SYNPR: variants seen among roughly 807,000 people sequenced by gnomAD.
SYNPR encodes the protein synaptoporin.
Under a neutral mutation model 32.9 loss-of-function variants are expected in SYNPR, and 23 were observed. The ratio of observed to expected loss-of-function variants is 0.70; its 90% CI spans 0.50 to 0.99. The LOEUF is 0.99. SYNPR is among the 50% of genes least tolerant of loss of function. The pLI is 0.00. For synonymous variants in SYNPR, 146 were observed against 135.9 expected, an observed-to-expected ratio of 1.07 and a Z score of -0.52; for missense variants, 318 against 349.3, an observed-to-expected ratio of 0.91 and a Z score of 0.71.
At chr3:63,354,903 T>A (rs1334496125) in intron 2 of SYNPR, among the ~76,000 whole-genome samples, 1 of 152,214 alleles carries the variant, frequency 6.6e-6, no homozygotes, top group African/African-American at 2.4e-5. Context: ...TTGATCTTTG[T>A]AGCAAAGCTG....
intron 2 of SYNPR, among the ~76,000 whole-genome samples, chr3:63,436,860 A>G (rs981365475): frequency 3.3e-5 from 5 of 152,040 alleles, no homozygotes; most frequent in Admixed American, 3.3e-4. Flanking sequence ...TCTACAGGGT[A>G]TGGGCTTTCC....
intron 2 of SYNPR, among the ~76,000 whole-genome samples, chr3:63,410,388 T>A (rs2088446288): frequency 6.6e-6 from 1 of 152,176 alleles, no homozygotes; most frequent in East Asian, 1.9e-4. Context: ...AGTTTACAAT[T>A]GGTTTTTAAA....
At chr3:63,572,174 A>C (rs181515689) in intron 4 of SYNPR, among the ~76,000 whole-genome samples, 1 of 152,252 alleles carries the variant, frequency 6.6e-6, no homozygotes, top group Non-Finnish European at 1.5e-5. Flanking sequence ...GTTGTGATTT[A>C]ACTCGAAATC....
At chr3:63,328,289 T>A (rs560331524) in intron 2 of SYNPR, among the ~76,000 whole-genome samples, 2 of 152,148 alleles carry the variant, frequency 1.3e-5, no homozygotes, top group African/African-American at 4.8e-5. Flanking sequence ...GAGCCTCATC[T>A]CCCTTTCTGG....
intron 3 of SYNPR, among the ~76,000 whole-genome samples, chr3:63,510,129 G>A (rs6769577): frequency 0.38 from 57,549 of 151,844 alleles, 11,015 homozygotes; most frequent in Non-Finnish European, 0.43. Context: ...AATAAGGGGG[G>A]AACAAAAATT....
chr3:63,260,647 G>A (rs2086430130), intron 2 of SYNPR, among the ~76,000 whole-genome samples: 2 of 152,216 alleles, frequency 1.3e-5, no homozygotes, highest in Admixed American at 6.5e-5. Flanking sequence ...ATACCATTCA[G>A]GACATAGGCA....
At chr3:63,584,469 G>T (rs901236146) in intron 4 of SYNPR, among the ~76,000 whole-genome samples, 18 of 152,006 alleles carry the variant, frequency 1.2e-4, no homozygotes, top group Admixed American at 7.2e-4. Context: ...AGATTTGGCT[G>T]GGTATACAGG....
intron 2 of SYNPR, among the ~76,000 whole-genome samples, chr3:63,341,026 A>G (rs1055907086): frequency 6.6e-6 from 1 of 152,158 alleles, no homozygotes; most frequent in African/African-American, 2.4e-5. Flanking sequence ...TCTATGCTCT[A>G]TCTAGTCATC....
Position 63,266,583 on chromosome 3 carries a change from T to C in SYNPR, n.155-734T>C, listed in dbSNP as rs192145580. 3.5e-3 allele frequency among the ~76,000 whole-genome samples: 528 copies of C among 151,708 alleles called. 8 individuals carry two copies. The highest frequency in any genetic ancestry group is 0.012 in the African/African-American group (496 of 41,400). ...TTAGCCGGGCTTTGTGGTGCGTGCC[T>C]GTAATCCCAGCTACTCGGGAAGCTG... On this transcript the variant is annotated intron_variant and non_coding_transcript_variant, in intron 2 of 4. Coordinates refer to the SYNPR transcript ENST00000478456.
chr3:63,445,493 A>G (rs538007555), intron 2 of SYNPR: 2 of 686,482 alleles, frequency 2.9e-6, no homozygotes, highest in East Asian at 2.7e-5. Context: ...TTGGGGGAAA[A>G]CAATAAAGGG....
chr3:63,408,307 G>A lies in SYNPR; in HGVS notation c.85-72525G>A, dbSNP rs868802474. Among the ~76,000 whole-genome samples the A allele has an allele frequency of 4.0e-4, 36 of 89,082 alleles. 2 individuals carry two copies. The highest frequency in any genetic ancestry group is 2.2e-3 in the African/African-American group (30 of 13,826). The allele number at this position is 89,082 out of a possible 152,430, so 58.4% of individuals were successfully genotyped here. A position where few individuals can be genotyped will look rare whatever the true frequency, so the allele number is the denominator to read the frequency against. ...AGGAAGGAAGGAAGGAAGGAAGGAAGGAAGGAAGGAAGGAAAGAAAGAAAG... is the reference window on the plus strand; with the variant it reads ...AGGAAGGAAGGAAGGAAGGAAGGAAAGAAGGAAGGAAGGAAAGAAAGAAAG... On this transcript the variant is annotated intron_variant, in intron 2 of 5. Transcript: ENST00000478300.
At chr3:63,522,840 G>T (rs1282708768) in intron 3 of SYNPR, among the ~76,000 whole-genome samples, 1 of 152,156 alleles carries the variant, frequency 6.6e-6, no homozygotes, top group East Asian at 1.9e-4. Flanking sequence ...AGATCATGCA[G>T]GGTCTGTGGG....
intron 2 of SYNPR, among the ~76,000 whole-genome samples, chr3:63,463,312 G>A (rs371504607): frequency 6.6e-6 from 1 of 152,020 alleles, no homozygotes; most frequent in East Asian, 1.9e-4. Flanking sequence ...TACAGTTTTG[G>A]TGCACATGGA....
chr3:63,384,440 T>G (rs1422650587), intron 2 of SYNPR, among the ~76,000 whole-genome samples: 1 of 152,210 alleles, frequency 6.6e-6, no homozygotes, highest in Non-Finnish European at 1.5e-5. Context: ...GTCTAGCTAT[T>G]TATGATAATG....
intron 3 of SYNPR, among the ~76,000 whole-genome samples, chr3:63,532,174 A>G (rs1209913846): frequency 1.3e-5 from 2 of 152,202 alleles, no homozygotes; most frequent in Non-Finnish European, 2.9e-5. Context: ...ATCAAATTAA[A>G]CCATCCTCTT....
intron 1 of SYNPR, among the ~76,000 whole-genome samples, chr3:63,236,298 T>A (rs979771610): frequency 2.2e-4 from 33 of 152,098 alleles, no homozygotes; most frequent in African/African-American, 7.2e-4. Flanking sequence ...ATCTTTAATA[T>A]TGGGAAGAGT....
At chr3:63,266,654 C>G (rs2086487235) in intron 2 of SYNPR, among the ~76,000 whole-genome samples, 1 of 147,432 alleles carries the variant, frequency 6.8e-6, no homozygotes, top group African/African-American at 2.5e-5. Flanking sequence ...TTGCAGTGAG[C>G]TGAGATCACG....
intron 2 of SYNPR, among the ~76,000 whole-genome samples, chr3:63,480,202 T>G (rs953508193): frequency 5.3e-5 from 8 of 152,108 alleles, no homozygotes; most frequent in African/African-American, 1.9e-4. Context: ...ACATTAACTG[T>G]TGAAACTTTT....
chr3:63,274,095 A>G (rs183618979), upstream of SYNPR, among the ~76,000 whole-genome samples: 20 of 152,352 alleles, frequency 1.3e-4, no homozygotes, highest in East Asian at 3.5e-3. Context: ...AGTTAAATAT[A>G]CAACATTTTG....
Sources: allele counts gnomAD v4.1 joint callset (sites outside exome capture counted in the v4.1 genomes callset), GRCh38; gene constraint gnomAD v4.1.1; transcripts MANE v1.5; gene names NCBI Gene and HGNC (gene_info 2026-07-23, HGNC 2026-07-21).